Variants in PCBD2 observed in about 807,000 individuals in gnomAD.
PCBD2 encodes pterin-4 alpha-carbinolamine dehydratase 2.
Under a neutral mutation model 16.4 loss-of-function variants are expected in PCBD2, and 12 were observed. The ratio of observed to expected loss-of-function variants is 0.73; its 90% CI spans 0.47 to 1.19. The LOEUF is 1.19. Ranked by LOEUF, PCBD2 falls within the 50% of genes most tolerant of loss-of-function variation. The pLI is 0.00. For missense variants in PCBD2, 138 were observed against 156.8 expected (o/e 0.88, Z 0.64); for synonymous variants, 58 against 61.8 (o/e 0.94, Z 0.29).
chr5:134,936,340 G>A (rs1751158568), intron 2 of PCBD2, among the ~76,000 whole-genome samples: 1 of 152,120 alleles, frequency 6.6e-6, no homozygotes, highest in East Asian at 1.9e-4. Flanking sequence ...TTTTACCTCT[G>A]CTCCTTCACT....
At chr5:134,944,441 A>G (rs1157752291) in intron 2 of PCBD2, among the ~76,000 whole-genome samples, 2 of 152,128 alleles carry the variant, frequency 1.3e-5, no homozygotes, top group African/African-American at 4.8e-5. Context: ...GCCCGTGAGC[A>G]TGGCATGAGG....
In PCBD2 at chr5:134,924,116, A is replaced by G. The variant is rs79923722; in HGVS notation, c.216+13650A>G. ...CATTGGTCGTGGTTGTAGCCCGTGC[A>G]AGAATAATGATGTATGCTTTATTTC... On this transcript the variant is annotated intron_variant, in intron 2 of 3. Coordinates refer to ENST00000254908, the MANE Select transcript of PCBD2 (RefSeq NM_032151.5). 29 of 398,172 alleles carry G rather than the reference A, an allele frequency of 7.3e-5. No homozygotes were observed. In the Admixed American group the frequency reaches 7.5e-4, roughly 10 times the overall value. 24.7% of individuals were successfully genotyped at this position (398,172 alleles called of 1,614,324 possible). A position where few individuals can be genotyped will look rare whatever the true frequency, so the allele number is the denominator to read the frequency against.
rs1751490953 is a variant in PCBD2 at position 134,962,517 on chromosome 5, T to G, written c.*1836T>G. ...ATCTTCCTGCCTTGACCCCCCAAAGTGCTGGGATTACAGGCGTGAGCCACT... is the reference window on the plus strand; with the variant it reads ...ATCTTCCTGCCTTGACCCCCCAAAGGGCTGGGATTACAGGCGTGAGCCACT... On this transcript the variant is annotated 3_prime_UTR_variant, in exon 4 of 4. Transcript: ENST00000254908. Among the ~76,000 whole-genome samples, 2 of 152,172 alleles carry G rather than the reference T, an allele frequency of 1.3e-5. 1 individual carries two copies. The highest frequency in any genetic ancestry group is 4.1e-4 in the South Asian group (2 of 4,826).
chr5:134,913,739 G>C (rs916139142), intron 2 of PCBD2, among the ~76,000 whole-genome samples: 2 of 152,142 alleles, frequency 1.3e-5, no homozygotes, highest in African/African-American at 4.8e-5. Flanking sequence ...GGGATGATGG[G>C]GGTCTTATGG....
At chr5:134,957,189 G>A (rs1751424023) in intron 2 of PCBD2, among the ~76,000 whole-genome samples, 1 of 152,186 alleles carries the variant, frequency 6.6e-6, no homozygotes, top group Admixed American at 6.5e-5. Flanking sequence ...AATCCGGGAT[G>A]CAAAGGCTGC....
intron 2 of PCBD2, among the ~76,000 whole-genome samples, chr5:134,948,068 G>A (rs1751319087): frequency 6.6e-6 from 1 of 152,194 alleles, no homozygotes; most frequent in Non-Finnish European, 1.5e-5. Flanking sequence ...ACTCTGGTAA[G>A]GGGCTTCTCT....
chr5:134,953,617 A>G (rs1016618440), intron 2 of PCBD2, among the ~76,000 whole-genome samples: 38 of 152,114 alleles, frequency 2.5e-4, no homozygotes, highest in Non-Finnish European at 5.3e-4. Context: ...CAACATGGCG[A>G]AATCCTGTCT....
chr5:134,953,672 G>A (rs1166017199), intron 2 of PCBD2, among the ~76,000 whole-genome samples: 1 of 151,964 alleles, frequency 6.6e-6, no homozygotes, highest in African/African-American at 2.4e-5. Context: ...GTGGTGGCAC[G>A]TGCCTATAGT....
At chr5:134,955,633 C>T (rs1751407042) in intron 2 of PCBD2, among the ~76,000 whole-genome samples, 1 of 152,114 alleles carries the variant, frequency 6.6e-6, no homozygotes, top group Non-Finnish European at 1.5e-5. Flanking sequence ...GTTAGATCTC[C>T]TTTGTTTGTC....
Position 134,905,153 on chromosome 5 carries a change from T to C in PCBD2, c.14T>C (p.Leu5Pro). Residue 5 changes from leucine to proline, a missense_variant, in exon 1 of 4, where the codon CTC becomes CCC. Coordinates refer to ENST00000254908, the MANE Select transcript of PCBD2 (RefSeq NM_032151.5). MAAV[L>P]GALGATRRLL... ...GGCAGACGGCCAATGGCGGCGGTGC[T>C]CGGGGCGCTCGGGGCGACGCGGCGC... is the stretch of plus-strand genomic sequence containing the variant. 8.2e-7 allele frequency: 1 copy of C among 1,220,724 alleles called. No individual in the cohort carries two copies. Among genetic ancestry groups the C allele is most frequent in the Non-Finnish European group, 1.0e-6 (1 of 981,380 alleles). The allele number at this position is 1,220,724 out of a possible 1,614,324, so 75.6% of individuals were successfully genotyped here.
chr5:134,917,659 C>T (rs1335950490), intron 2 of PCBD2, among the ~76,000 whole-genome samples: 4 of 152,186 alleles, frequency 2.6e-5, no homozygotes. Flanking sequence ...GTATCTTGTT[C>T]ATCACCCTCA....
At chr5:134,908,518 A>T (rs1409600747) in intron 1 of PCBD2, among the ~76,000 whole-genome samples, 1 of 152,072 alleles carries the variant, frequency 6.6e-6, no homozygotes, top group African/African-American at 2.4e-5. Flanking sequence ...ACAAAATGTT[A>T]GCTGGGCGTG....
At chr5:134,924,656 T>G (rs1750961975) in intron 2 of PCBD2, 3 of 396,938 alleles carry the variant, frequency 7.6e-6, no homozygotes, top group Non-Finnish European at 8.9e-6. Context: ...GATTATGTGA[T>G]TAGGAGTAGG....
In PCBD2 at chr5:134,933,543, C is replaced by T. The variant is rs114459636; in HGVS notation, c.216+23077C>T. Among the ~76,000 whole-genome samples, 1,212 of 152,262 alleles carry T rather than the reference C, an allele frequency of 8.0e-3. 13 individuals carry two copies. Among genetic ancestry groups the T allele is most frequent in the African/African-American group, 0.028 (1,150 of 41,552 alleles). ...GAGCCACTGCAGCTGGCTTACCACA[C>T]GATTTTGAATGGTGGGAGATATATA... On this transcript the variant is annotated intron_variant, in intron 2 of 3. Coordinates refer to ENST00000254908, the MANE Select transcript of PCBD2 (RefSeq NM_032151.5).
At chr5:134,944,413 G>T (rs1751267423) in intron 2 of PCBD2, among the ~76,000 whole-genome samples, 1 of 152,020 alleles carries the variant, frequency 6.6e-6, no homozygotes, top group Non-Finnish European at 1.5e-5. Context: ...TTTCGGTTTG[G>T]TTAATCTGAT....
chr5:134,927,630 C>T (rs1015272842), intron 2 of PCBD2: 2 of 398,234 alleles, frequency 5.0e-6, no homozygotes, highest in East Asian at 7.1e-5. Flanking sequence ...TTGGTTGCCT[C>T]ATCGGGTGAT....
chr5:134,910,581 CCTT>C, intron 2 of PCBD2, 115 bp downstream of exon 2: 2 of 1,274,606 alleles, frequency 1.6e-6, no homozygotes, highest in East Asian at 2.4e-5. Context: ...TCAACTCTTC[CCTT>C]CTTTAAGAAT....
At chr5:134,951,077 G>T (rs1029528833) in intron 2 of PCBD2, among the ~76,000 whole-genome samples, 1 of 152,064 alleles carries the variant, frequency 6.6e-6, no homozygotes, top group Non-Finnish European at 1.5e-5. Context: ...AATAGATCAG[G>T]TATACACATG....
intron 3 of PCBD2, among the ~76,000 whole-genome samples, 169 bp downstream of exon 3, chr5:134,959,289 T>C (rs989998061): frequency 6.6e-6 from 1 of 152,234 alleles, no homozygotes; most frequent in Non-Finnish European, 1.5e-5. Flanking sequence ...TCAGGTCTGC[T>C]CCTAAGAACA....
Sources: allele counts gnomAD v4.1 joint callset (sites outside exome capture counted in the v4.1 genomes callset), GRCh38; gene constraint gnomAD v4.1.1; transcripts MANE v1.5; gene names NCBI Gene and HGNC (gene_info 2026-07-23, HGNC 2026-07-21).